UNC5D: variants seen among roughly 807,000 people sequenced by gnomAD.
UNC5D encodes netrin receptor UNC5D.
UNC5D carries 39 observed loss-of-function variants against 105.4 expected under a neutral mutation model. The ratio of observed to expected loss-of-function variants is 0.37; its 90% CI spans 0.29 to 0.48. UNC5D has a LOEUF of 0.48. Among genes scored for constraint, UNC5D ranks in the 20% least tolerant of loss-of-function variants. The pLI, the probability that UNC5D is intolerant of heterozygous loss-of-function variation, is 0.98. For synonymous variants in UNC5D, 452 were observed against 450.4 expected (o/e 1.00, Z -0.04); for missense variants, 991 against 1,202.4 (o/e 0.82, Z 2.60).
chr8:35,771,524 T>G (rs1802011902), intron 15 of UNC5D, among the ~76,000 whole-genome samples: 3 of 152,236 alleles, frequency 2.0e-5, no homozygotes, highest in African/African-American at 7.2e-5. Context: ...AGAAGAAATT[T>G]TACAAACCAT....
At chr8:35,324,929 G>A (rs956961974) in intron 1 of UNC5D, among the ~76,000 whole-genome samples, 5 of 152,078 alleles carry the variant, frequency 3.3e-5, no homozygotes, top group Non-Finnish European at 7.4e-5. Context: ...AGGAGAGACT[G>A]GCAACATTGG....
chr8:35,658,849 GT>G (rs769908729), intron 4 of UNC5D, among the ~76,000 whole-genome samples: 2 of 152,084 alleles, frequency 1.3e-5, no homozygotes, highest in Non-Finnish European at 2.9e-5. Context: ...TAGAGACGGG[GT>G]TTCACCGTGT....
intron 1 of UNC5D, among the ~76,000 whole-genome samples, chr8:35,452,947 C>T (rs1808258875): frequency 6.6e-6 from 1 of 152,016 alleles, no homozygotes; most frequent in Admixed American, 6.6e-5. Context: ...ACTACTGGGG[C>T]CTTCAGTATT....
At chr8:35,630,080 C>T (rs540574208) in intron 4 of UNC5D, among the ~76,000 whole-genome samples, 1 of 152,246 alleles carries the variant, frequency 6.6e-6, no homozygotes, top group East Asian at 1.9e-4. Flanking sequence ...TTTGGCAAAT[C>T]TTTTATTGTC....
chr8:35,723,594 CAG>C (rs1277884939), intron 9 of UNC5D, among the ~76,000 whole-genome samples: 1 of 151,946 alleles, frequency 6.6e-6, no homozygotes, highest in African/African-American at 2.4e-5. Flanking sequence ...TTTATAGAGA[CAG>C]GGTCTCACTA....
chr8:35,590,483 C>T (rs1281036081), intron 3 of UNC5D, among the ~76,000 whole-genome samples: 1 of 152,038 alleles, frequency 6.6e-6, no homozygotes, highest in African/African-American at 2.4e-5. Flanking sequence ...AATACCTTTT[C>T]CCACTTAATT....
intron 4 of UNC5D, among the ~76,000 whole-genome samples, chr8:35,648,811 G>A (rs1305547959): frequency 2.0e-5 from 3 of 151,972 alleles, no homozygotes; most frequent in African/African-American, 7.3e-5. Context: ...TTCTGATAAT[G>A]CAGTCACATG....
At chr8:35,607,472 A>G (rs1393505742) in intron 4 of UNC5D, among the ~76,000 whole-genome samples, 1 of 152,126 alleles carries the variant, frequency 6.6e-6, no homozygotes, top group East Asian at 1.9e-4. Context: ...GTTATTGGCA[A>G]TCTTTGGTGT....
At chr8:35,768,004 A>G (rs985358154) in intron 15 of UNC5D, among the ~76,000 whole-genome samples, 6 of 150,134 alleles carry the variant, frequency 4.0e-5, no homozygotes, top group African/African-American at 1.5e-4. Context: ...TAAAATAAAT[A>G]TATATATACA....
chr8:35,343,004 G>A (rs184305472), intron 1 of UNC5D, among the ~76,000 whole-genome samples: 7 of 152,136 alleles, frequency 4.6e-5, no homozygotes, highest in African/African-American at 1.7e-4. Flanking sequence ...AGAATCACGG[G>A]GAGGTCTTAT....
At chr8:35,271,655 CTATATTTATACAGGTATACATAT>C (rs1805352745) in intron 1 of UNC5D, among the ~76,000 whole-genome samples, 2 of 117,110 alleles carry the variant, frequency 1.7e-5, no homozygotes, top group Non-Finnish European at 3.7e-5. Flanking sequence ...ATATGTATAC[CTATATTTATACAGGTATACATAT>C]ATATGTATAC....
chr8:35,437,471 A>C (rs1196355301), intron 1 of UNC5D, among the ~76,000 whole-genome samples: 1 of 152,130 alleles, frequency 6.6e-6, no homozygotes, highest in Non-Finnish European at 1.5e-5. Context: ...GCTGAAGGAA[A>C]TATCTATGGA....
intron 16 of UNC5D, among the ~76,000 whole-genome samples, chr8:35,783,398 G>T (rs1034758302): frequency 6.6e-6 from 1 of 152,234 alleles, no homozygotes; most frequent in East Asian, 1.9e-4. Context: ...AAGCAGTCAC[G>T]GGAAGAGCTT....
chr8:35,711,514 C>T (rs1827965598), intron 8 of UNC5D, among the ~76,000 whole-genome samples: 1 of 152,088 alleles, frequency 6.6e-6, no homozygotes, highest in Non-Finnish European at 1.5e-5. Context: ...TAAGTATTTT[C>T]CTTCCTACCC....
At position 35,373,573 on chromosome 8, in the gene UNC5D, G is replaced by A. The variant is rs538264862; in HGVS notation, c.103+137686G>A. 1.2e-4 allele frequency among the ~76,000 whole-genome samples: 18 copies of A among 152,244 alleles called. No homozygotes were observed. In the East Asian group the frequency reaches 1.9e-3, roughly 16 times the overall value. On this transcript the variant is annotated intron_variant, in intron 1 of 16. Coordinates refer to ENST00000404895, the MANE Select transcript of UNC5D (RefSeq NM_080872.4). ...AAGGTTTAATTACTATCTCTGGTGC[G>A]ATAAAGCTGACAATTCATGCAGCCG...
At chr8:35,271,555 T>C (rs1378453140) in intron 1 of UNC5D, among the ~76,000 whole-genome samples, 1 of 145,862 alleles carries the variant, frequency 6.9e-6, no homozygotes, top group Non-Finnish European at 1.5e-5. Context: ...TGTATACATA[T>C]GTATACCTAT....
intron 1 of UNC5D, among the ~76,000 whole-genome samples, chr8:35,441,409 A>G (rs936583408): frequency 6.6e-6 from 1 of 152,054 alleles, no homozygotes. Flanking sequence ...GTATGTATGT[A>G]TAGGAAAAAA....
At chr8:35,719,795 C>T (rs1241091910) in intron 8 of UNC5D, among the ~76,000 whole-genome samples, 2 of 152,190 alleles carry the variant, frequency 1.3e-5, no homozygotes, top group African/African-American at 4.8e-5. Flanking sequence ...TCCTCTGCCG[C>T]TTAGCTTGTA....
chr8:35,502,020 CT>C (rs1175728589), intron 1 of UNC5D, among the ~76,000 whole-genome samples: 2 of 152,124 alleles, frequency 1.3e-5, no homozygotes, highest in African/African-American at 4.8e-5. Context: ...AGACAAGAGA[CT>C]ACAAAAGGGA....
Sources: gnomAD v4.1 joint callset for allele counts (sites outside exome capture counted in the v4.1 genomes callset) on GRCh38, gnomAD v4.1.1 for gene constraint, MANE v1.5 for transcripts, NCBI Gene and HGNC (gene_info 2026-07-23, HGNC 2026-07-21) for gene names.